The following ABCC4 variants were observed in gnomAD, a reference collection of about 807,000 sequenced individuals.
The protein encoded by ABCC4 is ATP-binding cassette sub-family C member 4.
A neutral mutation model predicts 168.5 loss-of-function variants in ABCC4; 102 were observed. The ratio of observed to expected loss-of-function variants is 0.61; its 90% confidence interval spans 0.52 to 0.71. The LOEUF is 0.71. ABCC4 is among the 30% of genes least tolerant of loss of function. ABCC4 has a pLI of 0.00. For synonymous variants in ABCC4, 617 were observed against 590.7 expected (o/e 1.04, Z -0.65); for missense variants, 1,402 against 1,605.8 (o/e 0.87, Z 2.17).
intron 19 of ABCC4, among the ~76,000 whole-genome samples, chr13:95,158,346 A>G (rs2036948437): frequency 1.3e-5 from 2 of 152,140 alleles, no homozygotes; most frequent in Non-Finnish European, 2.9e-5. Context: ...AGACATTTCT[A>G]TGCTGCAGAC....
chr13:95,247,002 T>C lies in ABCC4; in HGVS notation c.279A>G (p.Leu93=). The change falls in exon 3 of 31, where the codon TTA becomes TTG. Residue 93 remains leucine (L), a synonymous_variant. Transcript: ENST00000645237. ...CAATTAACGTAAAAATTCCCAAAAC[T>C]AAATAAGATTTCCAGTAACACTTTA... ...AIIKCYWKSY[L]VLGIFTLIEE... is the part of the protein sequence containing the mutation. The C allele has an allele frequency of 6.2e-7, 1 of 1,612,344 alleles. No individual in the cohort carries two copies. The highest frequency in any genetic ancestry group is 8.5e-7 in the Non-Finnish European group (1 of 1,178,904).
intron 26 of ABCC4, chr13:95,054,020 CCTTTT>C (rs2032953825): frequency 1.4e-5 from 1 of 73,168 alleles, no homozygotes; most frequent in Non-Finnish European, 2.4e-5. Context: ...AATGGGACAT[CCTTTT>C]TTTTTTTTTT....
chr13:95,116,511 T>C (rs1237010691), intron 19 of ABCC4, among the ~76,000 whole-genome samples: 2 of 152,154 alleles, frequency 1.3e-5, no homozygotes, highest in Non-Finnish European at 2.9e-5. Flanking sequence ...AAACTTGGGA[T>C]CCTATCATTT....
chr13:95,143,614 T>C (rs546461359), intron 19 of ABCC4, among the ~76,000 whole-genome samples: 14 of 152,322 alleles, frequency 9.2e-5, no homozygotes, highest in African/African-American at 3.4e-4. Flanking sequence ...AAGACAGAAT[T>C]ATTTCCACTC....
chr13:95,279,277 C>T (rs2041052989), intron 1 of ABCC4, among the ~76,000 whole-genome samples: 3 of 152,192 alleles, frequency 2.0e-5, no homozygotes, highest in East Asian at 1.9e-4. Context: ...TAAAGCGCTT[C>T]GCATGTGACT....
chr13:95,086,896 T>C (rs1228912709), intron 20 of ABCC4, among the ~76,000 whole-genome samples: 1 of 152,172 alleles, frequency 6.6e-6, no homozygotes, highest in Non-Finnish European at 1.5e-5. Flanking sequence ...TCAGGATCAT[T>C]AAGGTTGCTA....
chr13:95,049,703 A>T (rs1271603788), intron 27 of ABCC4, among the ~76,000 whole-genome samples: 1 of 152,026 alleles, frequency 6.6e-6, no homozygotes, highest in Non-Finnish European at 1.5e-5. Flanking sequence ...ACACAACCAC[A>T]TCCATAGGAC....
At chr13:95,041,993 C>T (rs1342836113) in intron 29 of ABCC4, among the ~76,000 whole-genome samples, 1 of 152,228 alleles carries the variant, frequency 6.6e-6, no homozygotes, top group South Asian at 2.1e-4. Flanking sequence ...CTGGTAGGAC[C>T]TCCTGTGATG....
chr13:95,267,269 T>G (rs7330395), intron 1 of ABCC4, among the ~76,000 whole-genome samples: 17,839 of 151,994 alleles, frequency 0.12, 1,772 homozygotes, highest in East Asian at 0.33. Context: ...ATGGAGGCAG[T>G]TCTTTCCCAT....
chr13:95,268,529 GCCCTT>G (rs2040745071), intron 1 of ABCC4, among the ~76,000 whole-genome samples: 2 of 62,562 alleles, frequency 3.2e-5, no homozygotes, highest in African/African-American at 3.5e-4. Flanking sequence ...TCGTCCCTTG[GCCCTT>G]GGCAATGGAA....
intron 30 of ABCC4, among the ~76,000 whole-genome samples, chr13:95,028,470 G>T (rs376718731): frequency 6.6e-6 from 1 of 151,926 alleles, no homozygotes; most frequent in African/African-American, 2.4e-5. Flanking sequence ...AAAACAAACC[G>T]CTACCACCAA....
At chr13:95,129,160 T>A (rs1566445960) in intron 19 of ABCC4, among the ~76,000 whole-genome samples, 1 of 152,294 alleles carries the variant, frequency 6.6e-6, no homozygotes, top group East Asian at 1.9e-4. Flanking sequence ...CATTTACCTC[T>A]CTTTAAAGGA....
At chr13:95,293,460 C>A (rs1346335073) in intron 1 of ABCC4, among the ~76,000 whole-genome samples, 1 of 152,008 alleles carries the variant, frequency 6.6e-6, no homozygotes, top group Non-Finnish European at 1.5e-5. Flanking sequence ...GCAGCGACTG[C>A]TGGACACACG....
intron 19 of ABCC4, among the ~76,000 whole-genome samples, chr13:95,146,674 G>A (rs1264151500): frequency 6.6e-6 from 1 of 152,222 alleles, no homozygotes; most frequent in Non-Finnish European, 1.5e-5. Flanking sequence ...TGGATCTACT[G>A]TGTGGATGCT....
At chr13:95,039,079 C>T (rs961793690) in intron 29 of ABCC4, among the ~76,000 whole-genome samples, 13 of 152,158 alleles carry the variant, frequency 8.5e-5, no homozygotes, top group African/African-American at 3.1e-4. Context: ...TGAAAAAATG[C>T]TAAGAATAGA....
At chr13:95,240,676 A>G (rs1051065986) in intron 3 of ABCC4, among the ~76,000 whole-genome samples, 1 of 151,998 alleles carries the variant, frequency 6.6e-6, no homozygotes, top group Admixed American at 6.6e-5. Context: ...ATTCTATTAT[A>G]TTTTATATTT....
intron 1 of ABCC4, among the ~76,000 whole-genome samples, chr13:95,273,815 TG>T (rs767869228): frequency 1.6e-4 from 20 of 124,198 alleles, no homozygotes; most frequent in African/African-American, 3.7e-4. Flanking sequence ...TTTTTTGGTT[TG>T]TTTTTTTTTT....
At chr13:95,155,276 C>T (rs2036818604) in intron 19 of ABCC4, among the ~76,000 whole-genome samples, 1 of 151,798 alleles carries the variant, frequency 6.6e-6, no homozygotes, top group Non-Finnish European at 1.5e-5. Context: ...GCAGTCTTGA[C>T]CTCCCAGACT....
chr13:95,264,156 AAATG>A (rs2040607494), intron 1 of ABCC4, among the ~76,000 whole-genome samples: 1 of 152,220 alleles, frequency 6.6e-6, no homozygotes, highest in South Asian at 2.1e-4. Flanking sequence ...TGCTATAAAT[AAATG>A]AGTGAATAAA....
Sources: gnomAD v4.1 joint callset for allele counts (sites outside exome capture counted in the v4.1 genomes callset) on GRCh38, gnomAD v4.1.1 for gene constraint, MANE v1.5 for transcripts, NCBI Gene and HGNC (gene_info 2026-07-23, HGNC 2026-07-21) for gene names.